The following KCTD13 variants were observed in gnomAD, a reference collection of about 807,000 sequenced individuals.
KCTD13 encodes the protein BTB/POZ domain-containing adapter for CUL3-mediated RhoA degradation protein 1.
In KCTD13, 15 loss-of-function variants were observed where a neutral mutation model predicts 32.3. That is an observed-to-expected ratio of 0.46 (90% CI 0.31 to 0.71). The LOEUF (loss-of-function observed/expected upper bound fraction) is 0.71. KCTD13 is among the 30% of genes least tolerant of loss of function. The pLI, the probability that KCTD13 is intolerant of heterozygous loss-of-function variation, is 0.05. For missense variants in KCTD13, 337 were observed against 452.6 expected (o/e 0.74, Z 2.32); for synonymous variants, 189 against 200.1 (o/e 0.94, Z 0.47).
chr16:29,920,378 T>C (rs2068887570), intron 2 of KCTD13: 1 of 152,188 alleles, frequency 6.6e-6, no homozygotes, highest in East Asian at 1.9e-4. Context: ...TTGAGTGTTT[T>C]CTGAACTTTG....
intron 1 of KCTD13, among the ~76,000 whole-genome samples, chr16:29,925,313 G>C (rs1294907569): frequency 6.6e-6 from 1 of 152,176 alleles, no homozygotes; most frequent in Non-Finnish European, 1.5e-5. Flanking sequence ...AGGGACCTGT[G>C]TCAGGGGAAC....
At chr16:29,909,530 C>G (rs1016793000) in intron 5 of KCTD13, among the ~76,000 whole-genome samples, 4 of 152,090 alleles carry the variant, frequency 2.6e-5, no homozygotes, top group African/African-American at 9.7e-5. Context: ...TGATTTCCAG[C>G]CCGGTACAGT....
chr16:29,925,363 G>C (rs1170195215), intron 1 of KCTD13, among the ~76,000 whole-genome samples: 1 of 152,206 alleles, frequency 6.6e-6, no homozygotes, highest in Non-Finnish European at 1.5e-5. Flanking sequence ...CTGGCTGGCT[G>C]TGAGCAGTTC....
At chr16:29,924,185 AAAAGAAAAG>A (rs2068960295) in intron 1 of KCTD13, among the ~76,000 whole-genome samples, 3 of 146,176 alleles carry the variant, frequency 2.1e-5, no homozygotes, top group Admixed American at 1.4e-4. Flanking sequence ...AAAAAAAAAG[AAAAGAAAAG>A]AAAAGAAAAG....
In KCTD13 at chr16:29,925,829, T is replaced by G. The variant is rs142314307; in HGVS notation, c.205A>C (p.Met69Leu). ...LTGQDTMLKAMFSGRVEVLTD... is the reference protein window; with the variant it reads ...LTGQDTMLKALFSGRVEVLTD... ...AGCACCTCCACGCGGCCGCTGAACA[T>G]GGCTTTGAGCATGGTGTCCTGTCCC... The change falls in exon 1 of 6, where the codon ATG becomes CTG. Residue 69 changes from methionine to leucine, a missense_variant. Around this residue, in one of 3 missense-constraint regions of KCTD13, gnomAD observed 21 missense variants for 52.7 expected, o/e 0.40. Coordinates refer to ENST00000568000, the MANE Select transcript of KCTD13 (RefSeq NM_178863.5). The G allele has an allele frequency of 2.4e-5, 39 of 1,613,980 alleles. No homozygotes were observed. The African/African-American group carries it at 4.7e-4, about 19-fold the overall frequency.
chr16:29,911,472 C>A, intron 4 of KCTD13: 1 of 561,988 alleles, frequency 1.8e-6, no homozygotes, highest in Non-Finnish European at 3.1e-6. Flanking sequence ...AGGCAAGTTA[C>A]TTCACCTCTT....
chr16:29,919,329 T>C (rs1239814133), intron 2 of KCTD13, among the ~76,000 whole-genome samples: 1 of 152,230 alleles, frequency 6.6e-6, no homozygotes, highest in Non-Finnish European at 1.5e-5. Flanking sequence ...GTAATGCTTA[T>C]GGTATTATTT....
At chr16:29,917,681 G>A (rs2068834369) in intron 2 of KCTD13, among the ~76,000 whole-genome samples, 2 of 151,968 alleles carry the variant, frequency 1.3e-5, no homozygotes, top group Admixed American at 6.6e-5. Flanking sequence ...CAGGAGGTTA[G>A]GGCAGGAGAA....
intron 2 of KCTD13, 124 bp from the exon 3 acceptor site, chr16:29,912,173 G>A: frequency 2.9e-6 from 2 of 692,710 alleles, no homozygotes; most frequent in Non-Finnish European, 5.0e-6. Flanking sequence ...GGCTCTGCAG[G>A]CTCCAAGCTC....
intron 2 of KCTD13, chr16:29,912,377 GC>G (rs1236761049): frequency 7.0e-6 from 3 of 429,302 alleles, no homozygotes; most frequent in Non-Finnish European, 1.2e-5. Flanking sequence ...CCTCCTCAGG[GC>G]CAGCCCTCCC....
intron 2 of KCTD13, 110 bp from the exon 3 acceptor site, chr16:29,912,159 G>A (rs577046561): frequency 7.8e-5 from 56 of 715,464 alleles, no homozygotes; most frequent in East Asian, 2.2e-4. Context: ...TCAGTGGTCC[G>A]CAGGGCTCTG....
At position 29,926,174 on chromosome 16, in the gene KCTD13, C is replaced by T. The variant is rs867529316; in HGVS notation, c.-141G>A. The T allele has an allele frequency of 4.1e-4, 406 of 986,592 alleles. No individual in the cohort carries two copies. In the African/African-American group the frequency reaches 6.0e-3, roughly 15 times the overall value. The allele number at this position is 986,592 out of a possible 1,614,324, so 61.1% of individuals were successfully genotyped here. On this transcript the variant is annotated 5_prime_UTR_variant, in exon 1 of 6. Transcript: ENST00000568000. ...ACTCACCGCAGCTACTCTGCAAGAC[C>T]GGCCCTCCGCCCCATCTCGCTCGCA...
rs2068625938 is a variant in KCTD13, at chr16:29,907,048, G to A, written c.814C>T (p.Pro272Ser). The A allele has an allele frequency of 2.5e-6, 4 of 1,613,900 alleles. No homozygotes were observed. The highest frequency in any genetic ancestry group is 1.7e-5 in the Admixed American group (1 of 60,024). The change falls in exon 6 of 6, where the codon CCC becomes TCC. Residue 272 changes from proline to serine, a missense_variant. By Grantham distance (74) the Pro-to-Ser change is moderately conservative (BLOSUM62 -1). This residue lies in a region of KCTD13 where 252 missense variants were observed against 340.2 expected (regional missense o/e 0.74). Transcript: ENST00000568000. The part of the protein sequence containing the change: ...ETLNILIYET[P>S]RGPDPALLEA... ...AGGAGGGCTGGGTCTGGGCCCCGGG[G>A]AGTCTCGTAGATGAGGATGTTCAGG...
At chr16:29,911,735 C>T in intron 4 of KCTD13, 80 bp downstream of exon 4, 1 of 1,494,976 alleles carries the variant, frequency 6.7e-7, no homozygotes, top group Non-Finnish European at 9.2e-7. Flanking sequence ...CCCCGTGTGG[C>T]CGTGGCCCTC....
intron 1 of KCTD13, 64 bp downstream of exon 1, chr16:29,925,724 TGA>T: frequency 6.7e-7 from 1 of 1,485,088 alleles, no homozygotes; most frequent in Non-Finnish European, 9.1e-7. Flanking sequence ...GCCCCGGTGG[TGA>T]GAGACTGCGG....
Position 29,926,078 on chromosome 16 carries a change from CCTGCGG to C in KCTD13, c.-51_-46del. 1.4e-6 allele frequency: 2 copies of C among 1,448,682 alleles called. No homozygotes were observed. The highest frequency in any genetic ancestry group is 1.5e-5 in the South Asian group (1 of 68,304). 89.7% of individuals were successfully genotyped at this position (1,448,682 alleles called of 1,614,324 possible). A position where few individuals can be genotyped will look rare whatever the true frequency, so the allele number is the denominator to read the frequency against. Reference sequence around the variant, plus strand: ...CGGCGATCCCAGGATCTCTCCGCGCCCTGCGGCCTGCTCCCGAAGACCCTCGGCCGG... The same window carrying C: ...CGGCGATCCCAGGATCTCTCCGCGCCCCTGCTCCCGAAGACCCTCGGCCGG... On this transcript the variant is annotated 5_prime_UTR_variant, in exon 1 of 6. Coordinates refer to ENST00000568000, the MANE Select transcript of KCTD13 (RefSeq NM_178863.5).
intron 2 of KCTD13, among the ~76,000 whole-genome samples, chr16:29,916,895 G>A (rs1305593308): frequency 6.6e-6 from 1 of 152,136 alleles, no homozygotes; most frequent in East Asian, 1.9e-4. Context: ...CACCACTATG[G>A]CGGGGAGTCT....
chr16:29,922,968 G>A, intron 2 of KCTD13: 2 of 538,016 alleles, frequency 3.7e-6, no homozygotes, highest in South Asian at 5.8e-5. Flanking sequence ...GGGAAGTAGA[G>A]AGCAGCTATT....
intron 4 of KCTD13, 192 bp from the exon 5 acceptor site, chr16:29,911,365 C>T (rs986428486): frequency 1.7e-6 from 1 of 598,052 alleles, no homozygotes; most frequent in Non-Finnish European, 2.9e-6. Flanking sequence ...CTGAGCAAAT[C>T]CCAGCACAGC....
Sources: allele counts gnomAD v4.1 joint callset (sites outside exome capture counted in the v4.1 genomes callset), GRCh38; gene constraint gnomAD v4.1.1; regional missense constraint gnomAD v4.1.1; transcripts MANE v1.5; gene names NCBI Gene and HGNC (gene_info 2026-07-23, HGNC 2026-07-21).